Variants in KLRG1 observed in about 807,000 individuals in gnomAD.
KLRG1 encodes the protein killer cell lectin-like receptor subfamily G member 1.
Under a neutral mutation model 21.8 loss-of-function variants are expected in KLRG1, and 16 were observed. That is an observed-to-expected ratio of 0.73 (90% CI 0.50 to 1.11). KLRG1 has a LOEUF of 1.11. Among genes scored for constraint, KLRG1 ranks in the 50% most tolerant of loss-of-function variants. KLRG1 has a pLI of 0.00. For missense variants in KLRG1, 173 were observed against 218.3 expected (o/e 0.79, Z 1.31); for synonymous variants, 69 against 75.9 (o/e 0.91, Z 0.47).
the KLRG1 span, among the ~76,000 whole-genome samples, chr12:9,082,953 T>C: frequency 6.6e-6 from 1 of 152,302 alleles, no homozygotes; most frequent in East Asian, 1.9e-4. Context: ...GATGGCTGGG[T>C]CAAATGTATT....
the KLRG1 span, chr12:9,128,422 C>G: frequency 6.5e-6 from 1 of 153,512 alleles, no homozygotes; most frequent in Non-Finnish European, 1.5e-5. Context: ...AGTCGCAGCT[C>G]AGCATGAAAA....
the KLRG1 span, chr12:9,154,950 G>A: frequency 1.8e-6 from 2 of 1,109,458 alleles, no homozygotes; most frequent in South Asian, 3.2e-5. Flanking sequence ...TACAGGAGAA[G>A]CAAGGTCTTC....
At chr12:8,966,484 A>G (rs990830235) in intron 1 of KLRG1, among the ~76,000 whole-genome samples, 31 of 152,100 alleles carry the variant, frequency 2.0e-4, no homozygotes, top group African/African-American at 5.3e-4. Context: ...ACTCAAACAA[A>G]TTTACAAGAA....
chr12:9,096,416 A>G, the KLRG1 span, among the ~76,000 whole-genome samples: 1 of 152,196 alleles, frequency 6.6e-6, no homozygotes, highest in Non-Finnish European at 1.5e-5. Flanking sequence ...TGTGGTGAGC[A>G]ACTGACTCAG....
chr12:8,993,512 A>G (rs777867894), intron 2 of KLRG1, among the ~76,000 whole-genome samples: 17 of 151,750 alleles, frequency 1.1e-4, no homozygotes, highest in African/African-American at 4.1e-4. Flanking sequence ...CTGGTCTCGA[A>G]CTCCTGACCT....
intron 2 of KLRG1, among the ~76,000 whole-genome samples, chr12:8,993,308 A>C (rs1237088853): frequency 1.3e-5 from 2 of 152,066 alleles, no homozygotes; most frequent in Admixed American, 1.3e-4. Flanking sequence ...AAAAATTTTG[A>C]GACAGAATCT....
the KLRG1 span, among the ~76,000 whole-genome samples, chr12:9,051,317 G>A: frequency 2.0e-5 from 3 of 152,102 alleles, no homozygotes; most frequent in Non-Finnish European, 1.5e-5. Flanking sequence ...CAGCTGCAGA[G>A]AGGAGCAGCC....
intron 3 of KLRG1, among the ~76,000 whole-genome samples, chr12:8,995,829 T>C (rs1440655450): frequency 3.3e-5 from 5 of 151,890 alleles, no homozygotes; most frequent in South Asian, 4.2e-4. Flanking sequence ...ACTACAGGCG[T>C]GTGCCACCAT....
chr12:8,974,105 C>A (rs1207914644), intron 1 of KLRG1, among the ~76,000 whole-genome samples: 1 of 150,442 alleles, frequency 6.6e-6, no homozygotes, highest in East Asian at 1.9e-4. Context: ...AGAATGACAT[C>A]TTTTCCTTTA....
chr12:9,043,402 T>A, the KLRG1 span, among the ~76,000 whole-genome samples: 1 of 152,164 alleles, frequency 6.6e-6, no homozygotes, highest in African/African-American at 2.4e-5. Context: ...TAAGTTCAAA[T>A]GTCTTCGGGT....
At chr12:9,119,467 A>G in the KLRG1 span, among the ~76,000 whole-genome samples, 1 of 151,956 alleles carries the variant, frequency 6.6e-6, no homozygotes, top group Non-Finnish European at 1.5e-5. Context: ...CAGCTGTTTC[A>G]GTGCCGGTGT....
the KLRG1 span, chr12:9,158,410 A>C: frequency 6.2e-7 from 1 of 1,613,832 alleles, no homozygotes; most frequent in African/African-American, 1.3e-5. Context: ...AAGTTTGTGG[A>C]ACAGTTCACC....
the KLRG1 span, among the ~76,000 whole-genome samples, chr12:9,175,082 C>G: frequency 3.9e-5 from 6 of 152,090 alleles, no homozygotes; most frequent in African/African-American, 1.4e-4. Context: ...TTACAGTAAC[C>G]AAAACAGCAT....
chr12:9,107,938 G>C, the KLRG1 span, among the ~76,000 whole-genome samples: 1 of 150,656 alleles, frequency 6.6e-6, no homozygotes, highest in South Asian at 2.1e-4. Flanking sequence ...GTTCTTAAAA[G>C]AGAAACAATA....
the KLRG1 span, among the ~76,000 whole-genome samples, chr12:9,206,976 A>G: frequency 2.2e-3 from 334 of 152,254 alleles, 2 homozygotes; most frequent in African/African-American, 7.7e-3. Flanking sequence ...GAGCAGCTGG[A>G]AGTAGTAGAG....
At chr12:9,210,739 G>A in the KLRG1 span, among the ~76,000 whole-genome samples, 3 of 152,106 alleles carry the variant, frequency 2.0e-5, no homozygotes, top group African/African-American at 7.2e-5. Flanking sequence ...ATTGGAAAAA[G>A]ACCTTGCCTG....
the KLRG1 span, chr12:9,149,007 G>A: frequency 6.2e-7 from 1 of 1,609,892 alleles, no homozygotes; most frequent in East Asian, 2.2e-5. Flanking sequence ...ATGGAGAAAA[G>A]AAAAACGTAA....
chr12:9,156,125 GTTCT>G, the KLRG1 span: 1 of 223,432 alleles, frequency 4.5e-6, no homozygotes, highest in Non-Finnish European at 9.2e-6. Context: ...TCTGGTCTCT[GTTCT>G]TTAAGTTTGT....
At chr12:9,183,161 T>TAGGATA in the KLRG1 span, among the ~76,000 whole-genome samples, 1 of 152,214 alleles carries the variant, frequency 6.6e-6, no homozygotes. Context: ...TTAGGAATAT[T>TAGGATA]TTACAAAGTA....
Sources: allele counts gnomAD v4.1 joint callset (sites outside exome capture counted in the v4.1 genomes callset), GRCh38; gene constraint gnomAD v4.1.1; transcripts MANE v1.5; gene names NCBI Gene and HGNC (gene_info 2026-07-23, HGNC 2026-07-21).